CADM2: variants seen among roughly 807,000 people sequenced by gnomAD.
CADM2 encodes the protein cell adhesion molecule 2.
In CADM2, 12 loss-of-function variants were observed where a neutral mutation model predicts 49.8. The ratio of observed to expected loss-of-function variants is 0.24; its 90% CI spans 0.15 to 0.39. The LOEUF is 0.39. Ranked by LOEUF, CADM2 falls within the 10% of genes least tolerant of loss-of-function variation. CADM2 has a pLI of 1.00. For synonymous variants in CADM2, 214 were observed against 175.4 expected, an observed-to-expected ratio of 1.22 and a Z score of -1.74; for missense variants, 378 against 492.3, an observed-to-expected ratio of 0.77 and a Z score of 2.20.
At chr3:85,595,025 A>G (rs1031956279) in intron 1 of CADM2, among the ~76,000 whole-genome samples, 14 of 151,962 alleles carry the variant, frequency 9.2e-5, no homozygotes, top group South Asian at 2.1e-4. Flanking sequence ...AAAGGGGAAA[A>G]TTTTCAAATC....
intron 1 of CADM2, among the ~76,000 whole-genome samples, chr3:85,490,358 A>G (rs1211555815): frequency 6.6e-6 from 1 of 152,016 alleles, no homozygotes; most frequent in Non-Finnish European, 1.5e-5. Context: ...CAGTGTTAAG[A>G]GTCATTTTAG....
chr3:85,116,308 G>T (rs920116466), intron 1 of CADM2, among the ~76,000 whole-genome samples: 1 of 152,122 alleles, frequency 6.6e-6, no homozygotes, highest in African/African-American at 2.4e-5. Flanking sequence ...CCTGGGCAAC[G>T]AAGTGATCTC....
intron 3 of CADM2, among the ~76,000 whole-genome samples, chr3:85,831,962 C>T (rs1196791765): frequency 6.6e-6 from 1 of 151,922 alleles, no homozygotes; most frequent in Non-Finnish European, 1.5e-5. Context: ...TTAGGCTTTA[C>T]ATTCAAATCT....
chr3:85,620,627 A>T (rs1377407997), intron 1 of CADM2, among the ~76,000 whole-genome samples: 1 of 152,128 alleles, frequency 6.6e-6, no homozygotes, highest in Non-Finnish European at 1.5e-5. Flanking sequence ...ATTTTTAAAA[A>T]ATCATCAAAC....
At chr3:85,771,653 A>G (rs11914610) in intron 2 of CADM2, among the ~76,000 whole-genome samples, 6,109 of 152,180 alleles carry the variant, frequency 0.04, 387 homozygotes, top group African/African-American at 0.14. Flanking sequence ...GAATTTCTAA[A>G]AGGGTCTAAA....
intron 1 of CADM2, among the ~76,000 whole-genome samples, chr3:85,112,693 A>G (rs1375657972): frequency 6.6e-6 from 1 of 151,804 alleles, no homozygotes; most frequent in Non-Finnish European, 1.5e-5. Flanking sequence ...ATTCAGGGTG[A>G]ATTCTTCTAT....
intron 5 of CADM2, among the ~76,000 whole-genome samples, chr3:85,893,183 T>C (rs1021073235): frequency 2.6e-5 from 4 of 152,086 alleles, no homozygotes; most frequent in Non-Finnish European, 5.9e-5. Context: ...AAGCAGAGCA[T>C]AAAAGTAGGG....
chr3:85,653,723 G>A (rs538503383), intron 1 of CADM2, among the ~76,000 whole-genome samples: 2 of 152,224 alleles, frequency 1.3e-5, no homozygotes, highest in Non-Finnish European at 2.9e-5. Context: ...TTAAACTTAT[G>A]GGCGTATACG....
At chr3:86,039,715 T>C (rs775285751) in intron 8 of CADM2, among the ~76,000 whole-genome samples, 6 of 152,180 alleles carry the variant, frequency 3.9e-5, no homozygotes, top group Non-Finnish European at 8.8e-5. Context: ...TGTCCCTGCC[T>C]GACAGCTTTG....
At chr3:85,432,368 C>A (rs745309846) in intron 1 of CADM2, among the ~76,000 whole-genome samples, 1 of 151,976 alleles carries the variant, frequency 6.6e-6, no homozygotes, top group African/African-American at 2.4e-5. Context: ...AAATAACAGA[C>A]TGAGGGGCCT....
intron 1 of CADM2, among the ~76,000 whole-genome samples, chr3:85,329,085 A>G (rs1039424183): frequency 2.6e-5 from 4 of 152,136 alleles, no homozygotes; most frequent in African/African-American, 9.7e-5. Context: ...AAATAAATGT[A>G]TAGGGAGATA....
At chr3:85,035,157 T>C (rs2107342321) in intron 1 of CADM2, among the ~76,000 whole-genome samples, 1 of 152,310 alleles carries the variant, frequency 6.6e-6, no homozygotes, top group Non-Finnish European at 1.5e-5. Flanking sequence ...TTAATTTGCA[T>C]TTTTCTAATG....
At chr3:85,412,430 A>G (rs2035696877) in intron 1 of CADM2, among the ~76,000 whole-genome samples, 1 of 152,204 alleles carries the variant, frequency 6.6e-6, no homozygotes. Flanking sequence ...TTTGGGACAG[A>G]AGGTCACCAA....
chr3:85,433,105 GT>G (rs1464040237), intron 1 of CADM2, among the ~76,000 whole-genome samples: 1 of 150,390 alleles, frequency 6.6e-6, no homozygotes, highest in Non-Finnish European at 1.5e-5. Context: ...TAGATCATGG[GT>G]TAAAAGAAAA....
intron 1 of CADM2, among the ~76,000 whole-genome samples, chr3:85,312,770 C>T (rs2044377675): frequency 6.6e-6 from 1 of 151,918 alleles, no homozygotes; most frequent in Non-Finnish European, 1.5e-5. Flanking sequence ...CTGCTATTTC[C>T]AAAGAGATAA....
chr3:85,233,981 C>G (rs1438419675), intron 1 of CADM2, among the ~76,000 whole-genome samples: 2 of 152,084 alleles, frequency 1.3e-5, no homozygotes, highest in African/African-American at 4.8e-5. Context: ...TTATTAAGCA[C>G]TTATTTATGT....
At chr3:85,635,094 A>C (rs1422228863) in intron 1 of CADM2, among the ~76,000 whole-genome samples, 1 of 152,044 alleles carries the variant, frequency 6.6e-6, no homozygotes, top group Non-Finnish European at 1.5e-5. Flanking sequence ...TAGTTGACAA[A>C]ATGAAAGGGA....
chr3:85,507,891 T>C (rs1451998592), intron 1 of CADM2, among the ~76,000 whole-genome samples: 5 of 149,510 alleles, frequency 3.3e-5, no homozygotes, highest in Non-Finnish European at 7.4e-5. Flanking sequence ...TCTTGCACTT[T>C]TTAAAAGTGC....
intron 1 of CADM2, among the ~76,000 whole-genome samples, chr3:85,606,260 G>T (rs9849430): frequency 0.048 from 7,289 of 151,744 alleles, 593 homozygotes; most frequent in African/African-American, 0.17. Flanking sequence ...TCATTTTTTT[G>T]ATTTAAAAGT....
Sources: gnomAD v4.1 joint callset for allele counts (sites outside exome capture counted in the v4.1 genomes callset) on GRCh38, gnomAD v4.1.1 for gene constraint, MANE v1.5 for transcripts, NCBI Gene and HGNC (gene_info 2026-07-23, HGNC 2026-07-21) for gene names.